Variants in ZNF738 observed in about 807,000 individuals in gnomAD.
ZNF738 encodes zinc finger protein 738.
In ZNF738, 10 loss-of-function variants were observed where a neutral mutation model predicts 9.2. The observed-to-expected ratio is 1.09, with a 90% CI of 0.67 to 1.85. ZNF738 has a LOEUF of 1.85. ZNF738 is among the 40% of genes most tolerant of loss of function. ZNF738 has a pLI of 0.00. For synonymous variants in ZNF738, 113 were observed against 94.5 expected (o/e 1.20, Z -1.14); for missense variants, 346 against 283.6 (o/e 1.22, Z -1.58).
intron 4 of ZNF738, among the ~76,000 whole-genome samples, chr19:21,380,871 G>C (rs192956515): frequency 6.6e-6 from 1 of 152,136 alleles, no homozygotes; most frequent in Non-Finnish European, 1.5e-5. Context: ...TGCTGAGGGG[G>C]ATGCATGTTC....
chr19:21,362,092 A>G (rs1441978366), intron 2 of ZNF738, among the ~76,000 whole-genome samples: 1 of 50,822 alleles, frequency 2.0e-5, no homozygotes, highest in Non-Finnish European at 3.3e-5. Flanking sequence ...AATAATAATA[A>G]TAATGATAAT....
chr19:21,371,677 T>TAGAA (rs1262413720), intron 2 of ZNF738, among the ~76,000 whole-genome samples: 1 of 151,886 alleles, frequency 6.6e-6, no homozygotes, highest in African/African-American at 2.4e-5. Flanking sequence ...GTACAGTGAA[T>TAGAA]AGAAGTGTGC....
At chr19:21,361,384 C>T (rs376597756) in intron 1 of ZNF738, among the ~76,000 whole-genome samples, 4 of 152,296 alleles carry the variant, frequency 2.6e-5, no homozygotes, top group African/African-American at 7.2e-5. Flanking sequence ...AGGTGATCCG[C>T]CCGCCTCGGC....
chr19:21,377,732 A>G lies in ZNF738; in HGVS notation c.319+1768A>G, dbSNP rs116516274. ...ATGCAATGTCTAAATCTATCTTGCCACCTTCAGTATGTTTTTAATCATTAG... is the reference window on the plus strand; with the variant it reads ...ATGCAATGTCTAAATCTATCTTGCCGCCTTCAGTATGTTTTTAATCATTAG... On this transcript the variant is annotated intron_variant, in intron 4 of 4. Coordinates refer to ENST00000683779, the MANE Select transcript of ZNF738 (RefSeq NM_001355237.2). The G allele has an allele frequency of 7.0e-3, 2,544 of 365,062 alleles. 63 individuals are homozygous for G. Among genetic ancestry groups the G allele is most frequent in the African/African-American group, 0.046 (2,234 of 48,108 alleles). 22.6% of individuals were successfully genotyped at this position (365,062 alleles called of 1,614,324 possible).
chr19:21,361,714 G>A (rs1245744921), intron 1 of ZNF738, 52 bp from the exon 2 acceptor site: 2 of 773,982 alleles, frequency 2.6e-6, no homozygotes, highest in African/African-American at 3.4e-5. Flanking sequence ...CCATGGTTAT[G>A]TCAGCTAGAG....
chr19:21,367,126 CTG>C (rs945509683), intron 2 of ZNF738, among the ~76,000 whole-genome samples: 6 of 152,332 alleles, frequency 3.9e-5, no homozygotes, highest in Admixed American at 3.3e-4. Context: ...TTTCTATAAA[CTG>C]TTCCTGAAGA....
At position 21,359,030 on chromosome 19, in the gene ZNF738, C is replaced by T. The variant is rs1339944066; in HGVS notation, c.-111C>T. 5.1e-6 allele frequency: 4 copies of T among 791,684 alleles called. No homozygotes were observed. Among genetic ancestry groups the T allele is most frequent in the South Asian group, 4.0e-5 (3 of 75,082 alleles). The allele number at this position is 791,684 out of a possible 1,614,324, so 49.0% of individuals were successfully genotyped here. On this transcript the variant is annotated 5_prime_UTR_variant, in exon 1 of 5. Coordinates refer to ENST00000683779, the MANE Select transcript of ZNF738 (RefSeq NM_001355237.2). ...TGGCTGCCGCTGGAACTCCGGGTCT[C>T]GTCTTCACTGCTCTGTGTCCTCTGC...
At chr19:21,367,846 G>A (rs750689864) in intron 2 of ZNF738, among the ~76,000 whole-genome samples, 21 of 152,192 alleles carry the variant, frequency 1.4e-4, no homozygotes, top group Non-Finnish European at 2.6e-4. Context: ...CTTCACCACA[G>A]CATATTTGAT....
At chr19:21,379,670 C>T (rs1207053807) in intron 4 of ZNF738, among the ~76,000 whole-genome samples, 2 of 152,118 alleles carry the variant, frequency 1.3e-5, no homozygotes, top group East Asian at 3.9e-4. Context: ...AATAAAGATA[C>T]ATGAGCCAGT....
intron 2 of ZNF738, among the ~76,000 whole-genome samples, chr19:21,369,341 G>A (rs1165759278): frequency 6.6e-6 from 1 of 152,040 alleles, no homozygotes; most frequent in African/African-American, 2.4e-5. Flanking sequence ...TAACTCTTGA[G>A]CTAAGGCATT....
Position 21,383,260 on chromosome 19 carries a change from CA to C in ZNF738, c.717del (p.Ala240ProfsTer41). 1 of 1,584,616 alleles carries C rather than the reference CA, an allele frequency of 6.3e-7. No homozygotes were observed. Among genetic ancestry groups the C allele is most frequent in the East Asian group, 2.3e-5 (1 of 44,394 alleles). Reference protein sequence around the residue: ...ENSYQCEECGKAFKWFSTLTR... With the variant: ...ENSYQCEECGXAFKWFSTLTR... ...ATTCTTACCAATGTGAAGAATGTGG[CA>C]AAGCCTTTAAATGGTTCTCAACCCT... On this transcript the variant is annotated frameshift_variant, in exon 5 of 5. Transcript: ENST00000683779. LOFTEE classifies it low-confidence loss of function (END_TRUNC).
intron 2 of ZNF738, among the ~76,000 whole-genome samples, chr19:21,364,801 A>G (rs983603186): frequency 7.1e-6 from 1 of 140,780 alleles, no homozygotes; most frequent in Non-Finnish European, 1.5e-5. Context: ...GCTGGAGTGC[A>G]GTGGCATGAT....
At chr19:21,370,068 T>C (rs1003604900) in intron 2 of ZNF738, among the ~76,000 whole-genome samples, 24 of 152,346 alleles carry the variant, frequency 1.6e-4, no homozygotes, top group Admixed American at 1.6e-3. Context: ...AACCTCGGCC[T>C]CCCAAAGTGC....
intron 4 of ZNF738, chr19:21,377,670 T>C: frequency 2.3e-6 from 1 of 435,860 alleles, no homozygotes; most frequent in South Asian, 5.4e-5. Flanking sequence ...TGTAATACTA[T>C]TTTGACCTCT....
rs1163032691 is a variant in ZNF738, at chr19:21,382,914, A to G, written c.368A>G (p.Lys123Arg). Residue 123 changes from lysine to arginine, a missense_variant, in exon 5 of 5, where the codon AAA becomes AGA. By Grantham distance (26) the Lys-to-Arg change is conservative. Coordinates refer to ENST00000683779, the MANE Select transcript of ZNF738 (RefSeq NM_001355237.2). ...GACCTTTGGCCACAGCCGGGCATAAAAGATTCTTTCCAAAAAGTGATACTG... is the reference window on the plus strand; with the variant it reads ...GACCTTTGGCCACAGCCGGGCATAAGAGATTCTTTCCAAAAAGTGATACTG... ...AQDLWPQPGI[K>R]DSFQKVILRE... 12 of 549,232 alleles carry G rather than the reference A, an allele frequency of 2.2e-5. No individual in the cohort carries two copies. Among genetic ancestry groups the G allele is most frequent in the Non-Finnish European group, 3.5e-6 (1 of 289,724 alleles). The allele number at this position is 549,232 out of a possible 1,614,324, so 34.0% of individuals were successfully genotyped here.
intron 4 of ZNF738, among the ~76,000 whole-genome samples, chr19:21,380,582 T>C (rs1370724782): frequency 1.3e-5 from 2 of 152,146 alleles, no homozygotes; most frequent in East Asian, 3.9e-4. Context: ...AGCAGGCACA[T>C]AAGGTGGCAA....
Position 21,384,402 on chromosome 19 carries a change from G to A in ZNF738, c.*728G>A, listed in dbSNP as rs142749762. Reference sequence around the variant, plus strand: ...TACTAAACATAAGAGAATTCATAATGGAGAGAAACCCTACAAATGTTTAGA... The same window carrying A: ...TACTAAACATAAGAGAATTCATAATAGAGAGAAACCCTACAAATGTTTAGA... On this transcript the variant is annotated 3_prime_UTR_variant, in exon 5 of 5. Coordinates refer to ENST00000683779, the MANE Select transcript of ZNF738 (RefSeq NM_001355237.2). Among the ~76,000 whole-genome samples, 4 of 152,180 alleles carry A rather than the reference G, an allele frequency of 2.6e-5. No individual in the cohort carries two copies. Among genetic ancestry groups the A allele is most frequent in the African/African-American group, 9.6e-5 (4 of 41,524 alleles).
At chr19:21,364,571 A>G (rs988445032) in intron 2 of ZNF738, among the ~76,000 whole-genome samples, 17 of 152,292 alleles carry the variant, frequency 1.1e-4, no homozygotes, top group Admixed American at 6.5e-5. Flanking sequence ...AAGGGTCCCA[A>G]TCCAAACCCC....
chr19:21,367,272 C>T (rs949362485), intron 2 of ZNF738, among the ~76,000 whole-genome samples: 3 of 152,080 alleles, frequency 2.0e-5, no homozygotes, highest in Non-Finnish European at 4.4e-5. Flanking sequence ...TTATAATAAA[C>T]TGGTAAACAT....
Sources: gnomAD v4.1 joint callset for allele counts (sites outside exome capture counted in the v4.1 genomes callset) on GRCh38, gnomAD v4.1.1 for gene constraint, MANE v1.5 for transcripts, NCBI Gene and HGNC (gene_info 2026-07-23, HGNC 2026-07-21) for gene names.